Variants in VPS13C observed in about 807,000 individuals in gnomAD.
VPS13C encodes the protein vacuolar protein sorting 13 homolog C.
VPS13C carries 358 observed loss-of-function variants against 456.8 expected under a neutral mutation model. The observed-to-expected ratio is 0.78, with a 90% CI of 0.72 to 0.86. VPS13C has a LOEUF of 0.86. Among genes scored for constraint, VPS13C ranks in the 40% least tolerant of loss-of-function variants. VPS13C has a pLI of 0.00. For synonymous variants in VPS13C, 1,578 were observed against 1,486.7 expected, an observed-to-expected ratio of 1.06 and a Z score of -1.41; for missense variants, 4,818 against 4,385.4, an observed-to-expected ratio of 1.10 and a Z score of -2.79.
chr15:62,013,986 T>C lies in VPS13C; in HGVS notation c.691A>G (p.Asn231Asp), dbSNP rs773264877. The C allele has an allele frequency of 1.2e-6, 2 of 1,610,062 alleles. No individual in the cohort carries two copies. Among genetic ancestry groups the C allele is most frequent in the African/African-American group, 1.3e-5 (1 of 74,930 alleles). Residue 231 changes from asparagine (N) to aspartate (D), a missense_variant, in exon 10 of 85, where the codon AAT becomes GAT. Physicochemically the swap from Asn to Asp is conservative, Grantham distance 23. Around this residue, in one of 3 missense-constraint regions of VPS13C, gnomAD observed 4,552 missense variants for 4,130.6 expected, o/e 1.10. Transcript: ENST00000644861. ...AATATGCATGGAGTCCAGTGTTCAT[T>C]TGCAGTCTAAAAGAAAAAAGGGAAT... ...TLGELSLLTA[N>D]EHWTPCILNE...
chr15:61,940,109 G>A (rs12905403), intron 47 of VPS13C, among the ~76,000 whole-genome samples: 8,648 of 151,994 alleles, frequency 0.057, 307 homozygotes, highest in Non-Finnish European at 0.08. Flanking sequence ...AAATAATGGT[G>A]TATTTATATG....
intron 16 of VPS13C, among the ~76,000 whole-genome samples, chr15:61,999,033 A>T (rs2046498658): frequency 6.6e-6 from 1 of 152,250 alleles, no homozygotes; most frequent in Admixed American, 6.5e-5. Flanking sequence ...ATTTATCAAT[A>T]AGGCTTTTGG....
chr15:62,050,315 G>A (rs538887170), intron 1 of VPS13C, among the ~76,000 whole-genome samples: 1 of 152,128 alleles, frequency 6.6e-6, no homozygotes, highest in African/African-American at 2.4e-5. Flanking sequence ...TCTGTGAAGC[G>A]ATCTCCCTTA....
Position 62,023,760 on chromosome 15 carries a change from A to G in VPS13C, c.514+20T>C, listed in dbSNP as rs965002829. 1 of 1,601,010 alleles carries G rather than the reference A, an allele frequency of 6.2e-7. No individual in the cohort carries two copies. Among genetic ancestry groups the G allele is most frequent in the African/African-American group, 1.3e-5 (1 of 74,386 alleles). On this transcript the variant is annotated intron_variant, in intron 7 of 84. Coordinates refer to ENST00000644861, the MANE Select transcript of VPS13C (RefSeq NM_020821.3). ...CAATGTGTATAAACAACACCATGGCATAAAACTACTTTTACCTACCTTTTG... is the reference window on the plus strand; with the variant it reads ...CAATGTGTATAAACAACACCATGGCGTAAAACTACTTTTACCTACCTTTTG...
chr15:61,965,566 T>C (rs2045351832), intron 30 of VPS13C, among the ~76,000 whole-genome samples: 1 of 151,904 alleles, frequency 6.6e-6, no homozygotes, highest in Non-Finnish European at 1.5e-5. Flanking sequence ...ATAAAAACAA[T>C]AAAAGGTTCA....
intron 73 of VPS13C, 126 bp downstream of exon 73, chr15:61,880,483 G>A (rs1360348526): frequency 1.3e-5 from 8 of 595,238 alleles, no homozygotes; most frequent in South Asian, 5.5e-5. Flanking sequence ...TAATTATTTC[G>A]ATTAATCAAA....
At chr15:62,017,729 A>T (rs1014940700) in intron 9 of VPS13C, among the ~76,000 whole-genome samples, 1 of 152,160 alleles carries the variant, frequency 6.6e-6, no homozygotes, top group Non-Finnish European at 1.5e-5. Flanking sequence ...TGATGCCTCC[A>T]GCTTTGTTCT....
chr15:61,961,837 C>T lies in VPS13C; in HGVS notation c.3660G>A (p.Gln1220=), dbSNP rs779197027. The change falls in exon 35 of 85, where the codon CAG becomes CAA. Residue 1220 remains glutamine, a synonymous_variant. Transcript: ENST00000644861. The part of the protein sequence containing the change: ...AKESLSAATA[Q]AAERAATSVK... ...CACTTGTGGCAGCCCTTTCTGCAGCCTGGGCAGTGGCAGCACTCAGAGACT... is the reference window on the plus strand; with the variant it reads ...CACTTGTGGCAGCCCTTTCTGCAGCTTGGGCAGTGGCAGCACTCAGAGACT... 1 of 1,613,978 alleles carries T rather than the reference C, an allele frequency of 6.2e-7. No homozygotes were observed. Among genetic ancestry groups the T allele is most frequent in the South Asian group, 1.1e-5 (1 of 91,072 alleles).
At chr15:61,939,636 C>A (rs2044347807) in intron 47 of VPS13C, among the ~76,000 whole-genome samples, 1 of 152,196 alleles carries the variant, frequency 6.6e-6, no homozygotes, top group South Asian at 2.1e-4. Flanking sequence ...ACTTCCACGA[C>A]TACCTTCAAC....
chr15:61,868,561 G>A (rs1894761169), intron 81 of VPS13C, 98 bp downstream of exon 81: 2 of 964,932 alleles, frequency 2.1e-6, no homozygotes, highest in Non-Finnish European at 3.2e-6. Flanking sequence ...ACTTAAAGCA[G>A]TTCAAGAATC....
rs73416527 is a variant in VPS13C at position 62,035,193 on chromosome 15, A to G, written c.188-141T>C. On this transcript the variant is annotated intron_variant, in intron 3 of 84. Coordinates refer to ENST00000644861, the MANE Select transcript of VPS13C (RefSeq NM_020821.3). The stretch of plus-strand genomic sequence containing the variant: ...TCAGAAAAAATGAAAAAAATCCAAC[A>G]CTAAAGTTTACAAAGGTCTTTTCCA... The G allele has an allele frequency of 0.038, 16,956 of 449,802 alleles. 611 individuals are homozygous for G. The highest frequency in any genetic ancestry group is 0.11 in the African/African-American group (5,418 of 49,368). The allele number at this position is 449,802 out of a possible 1,614,324, so 27.9% of individuals were successfully genotyped here.
At chr15:61,964,143 T>A (rs2045306312) in intron 31 of VPS13C, among the ~76,000 whole-genome samples, 192 bp from the exon 32 acceptor site, 1 of 152,142 alleles carries the variant, frequency 6.6e-6, no homozygotes, top group African/African-American at 2.4e-5. Context: ...AGTGAGATAT[T>A]ACTTTTATAA....
intron 66 of VPS13C, among the ~76,000 whole-genome samples, chr15:61,897,894 A>T (rs1306302886): frequency 6.6e-6 from 1 of 152,246 alleles, no homozygotes; most frequent in African/African-American, 2.4e-5. Flanking sequence ...TCAGACTAAC[A>T]GCGGATCGCT....
intron 64 of VPS13C, among the ~76,000 whole-genome samples, chr15:61,909,795 T>G (rs1038575895): frequency 2.0e-5 from 3 of 152,206 alleles, no homozygotes; most frequent in African/African-American, 7.2e-5. Flanking sequence ...CTATCATTGT[T>G]GCACATTTGA....
chr15:61,952,096 A>G, intron 38 of VPS13C, 116 bp from the exon 39 acceptor site: 1 of 1,178,612 alleles, frequency 8.5e-7, no homozygotes, highest in Non-Finnish European at 1.2e-6. Context: ...CAATGTTAAG[A>G]TGTGTACTTC....
intron 10 of VPS13C, among the ~76,000 whole-genome samples, 174 bp from the exon 11 acceptor site, chr15:62,013,293 TTTA>T (rs2047112486): frequency 1.3e-5 from 2 of 152,020 alleles, no homozygotes; most frequent in South Asian, 4.1e-4. Flanking sequence ...TTATTCAGAC[TTTA>T]TTAAGTCTAG....
chr15:61,920,074 C>A lies in VPS13C; in HGVS notation c.7470G>T (p.Leu2490=). The A allele has an allele frequency of 6.2e-7, 1 of 1,600,958 alleles. No individual in the cohort carries two copies. The highest frequency in any genetic ancestry group is 1.3e-5 in the African/African-American group (1 of 74,694). The change falls in exon 57 of 85, where the codon CTG becomes CTT. Residue 2490 remains leucine, a synonymous_variant. Coordinates refer to ENST00000644861, the MANE Select transcript of VPS13C (RefSeq NM_020821.3). ...AAAACAAATATAGCCTACCAATGGTCAGAGTGAAGAAGGAGCTTTCTTGAC... is the reference window on the plus strand; with the variant it reads ...AAAACAAATATAGCCTACCAATGGTAAGAGTGAAGAAGGAGCTTTCTTGAC... ...LSRQESSFFT[L]TIVPHGYTEV... is the part of the protein sequence containing the mutation.
intron 37 of VPS13C, among the ~76,000 whole-genome samples, chr15:61,956,565 C>T (rs2045005135): frequency 6.6e-6 from 1 of 152,020 alleles, no homozygotes; most frequent in Admixed American, 6.6e-5. Flanking sequence ...CACACACTAA[C>T]CAACAAAGGG....
intron 37 of VPS13C, among the ~76,000 whole-genome samples, chr15:61,957,985 T>C (rs761227620): frequency 2.6e-5 from 4 of 151,928 alleles, no homozygotes; most frequent in African/African-American, 7.2e-5. Context: ...CATGTACACA[T>C]ACAGGATGCT....
Sources: gnomAD v4.1 joint callset for allele counts (sites outside exome capture counted in the v4.1 genomes callset) on GRCh38, gnomAD v4.1.1 for gene constraint, gnomAD v4.1.1 regional missense constraint, MANE v1.5 for transcripts, NCBI Gene and HGNC (gene_info 2026-07-23, HGNC 2026-07-21) for gene names.